MAGI3: variants seen among roughly 807,000 people sequenced by gnomAD.
MAGI3 encodes the protein membrane-associated guanylate kinase, WW and PDZ domain-containing protein 3.
Under a neutral mutation model 121.8 loss-of-function variants are expected in MAGI3, and 43 were observed. That is an observed-to-expected ratio of 0.35 (90% CI 0.28 to 0.46). The LOEUF (loss-of-function observed/expected upper bound fraction) is 0.46, where lower values mean the gene tolerates loss of function less well. Among genes scored for constraint, MAGI3 ranks in the 20% least tolerant of loss-of-function variants. The pLI is 1.00. For synonymous variants in MAGI3, 553 were observed against 639.3 expected, an observed-to-expected ratio of 0.86 and a Z score of 2.04; for missense variants, 1,547 against 1,797.3, an observed-to-expected ratio of 0.86 and a Z score of 2.52.
At chr1:113,575,729 A>T (rs2101711154) in intron 2 of MAGI3, among the ~76,000 whole-genome samples, 1 of 152,310 alleles carries the variant, frequency 6.6e-6, no homozygotes, top group South Asian at 2.1e-4. Context: ...GTGCTGGGAG[A>T]TCTGCTGCTC....
At chr1:113,437,882 T>TTCTTCTTCC (rs1653693033) in intron 1 of MAGI3, among the ~76,000 whole-genome samples, 2 of 2,516 alleles carry the variant, frequency 7.9e-4, no homozygotes, top group African/African-American at 1.4e-3. Flanking sequence ...CTTCTTCTCC[T>TTCTTCTTCC]TCTCCTTCTC....
At chr1:113,625,552 G>A (rs1488270673) in intron 9 of MAGI3, among the ~76,000 whole-genome samples, 1 of 152,152 alleles carries the variant, frequency 6.6e-6, no homozygotes, top group East Asian at 1.9e-4. Flanking sequence ...TTTGTATCCT[G>A]CAACTTTACT....
At chr1:113,414,196 G>A (rs1161507677) in intron 1 of MAGI3, among the ~76,000 whole-genome samples, 2 of 152,214 alleles carry the variant, frequency 1.3e-5, no homozygotes, top group African/African-American at 4.8e-5. Context: ...ATTTGTGTAT[G>A]TTGAACCAGC....
intron 1 of MAGI3, among the ~76,000 whole-genome samples, chr1:113,465,636 A>G (rs1008413154): frequency 6.6e-6 from 1 of 152,136 alleles, no homozygotes; most frequent in East Asian, 1.9e-4. Flanking sequence ...ATCAATAAAC[A>G]TGGAATATCT....
chr1:113,467,949 C>A (rs1301977629), intron 1 of MAGI3, among the ~76,000 whole-genome samples: 2 of 152,200 alleles, frequency 1.3e-5, no homozygotes, highest in Admixed American at 6.5e-5. Flanking sequence ...TATCCTCTTG[C>A]TAAAATGACC....
chr1:113,461,662 G>A (rs915585307), intron 1 of MAGI3, among the ~76,000 whole-genome samples: 5 of 152,034 alleles, frequency 3.3e-5, no homozygotes, highest in Non-Finnish European at 5.9e-5. Context: ...ACATAGAACC[G>A]GCAAAGATTT....
chr1:113,667,275 A>G (rs904446666), intron 16 of MAGI3, among the ~76,000 whole-genome samples: 1 of 152,184 alleles, frequency 6.6e-6, no homozygotes, highest in Non-Finnish European at 1.5e-5. Flanking sequence ...TACCTTGAAA[A>G]TCTGTTGTTT....
At chr1:113,576,071 C>T (rs1389721841) in intron 2 of MAGI3, among the ~76,000 whole-genome samples, 1 of 152,190 alleles carries the variant, frequency 6.6e-6, no homozygotes, top group Admixed American at 6.5e-5. Flanking sequence ...AGGTGGACTT[C>T]AGACTGCTGT....
At chr1:113,492,005 C>T (rs946492004) in intron 1 of MAGI3, among the ~76,000 whole-genome samples, 11 of 152,158 alleles carry the variant, frequency 7.2e-5, no homozygotes, top group African/African-American at 2.7e-4. Context: ...AGGAACTCCT[C>T]TCTAACTCAT....
chr1:113,629,174 A>T (rs2798138), intron 9 of MAGI3, among the ~76,000 whole-genome samples: 1 of 151,820 alleles, frequency 6.6e-6, no homozygotes, highest in African/African-American at 2.4e-5. Context: ...CTCACTAATT[A>T]TTTCTTCTAC....
intron 1 of MAGI3, chr1:113,450,607 A>G: frequency 1.8e-6 from 2 of 1,092,848 alleles, no homozygotes; most frequent in Non-Finnish European, 2.8e-6. Flanking sequence ...ATTATAGTGG[A>G]CAACAGCAAT....
intron 2 of MAGI3, among the ~76,000 whole-genome samples, chr1:113,560,027 C>T (rs1378709316): frequency 2.6e-5 from 4 of 152,088 alleles, no homozygotes; most frequent in South Asian, 2.1e-4. Context: ...CAAGAGGACC[C>T]GATAGTTATC....
chr1:113,676,804 A>G (rs916161337), intron 19 of MAGI3, among the ~76,000 whole-genome samples: 8 of 152,012 alleles, frequency 5.3e-5, no homozygotes, highest in African/African-American at 7.3e-5. Context: ...TGACAGCTGT[A>G]CTTTGTGTCC....
intron 1 of MAGI3, chr1:113,450,552 G>A (rs1654426596): frequency 1.3e-5 from 14 of 1,038,642 alleles, no homozygotes; most frequent in Non-Finnish European, 1.7e-5. Flanking sequence ...GGAAATTTTG[G>A]CGGTGGTAAC....
chr1:113,602,438 A>G (rs1370480484), intron 6 of MAGI3, among the ~76,000 whole-genome samples: 1 of 152,228 alleles, frequency 6.6e-6, no homozygotes, highest in East Asian at 1.9e-4. Flanking sequence ...GACATAAGTT[A>G]TCAAAACCTG....
rs115492828 is a variant in MAGI3, at chr1:113,616,600, T to A, written c.1076+1942T>A. Among the ~76,000 whole-genome samples the A allele has an allele frequency of 8.9e-3, 1,351 of 152,338 alleles. 21 individuals carry two copies. Among genetic ancestry groups the A allele is most frequent in the African/African-American group, 0.031 (1,270 of 41,590 alleles). ...GATGGGATTCTGAAATGGATGAAGT[T>A]ATTTTTTAAAATAAAATTTTTCCAA... On this transcript the variant is annotated intron_variant, in intron 7 of 20. Transcript: ENST00000307546.
chr1:113,391,055 A>G lies in MAGI3; in HGVS notation c.22A>G (p.Lys8Glu), dbSNP rs775621920. The G allele has an allele frequency of 1.9e-6, 3 of 1,590,884 alleles. No homozygotes were observed. The highest frequency in any genetic ancestry group is 2.6e-6 in the Non-Finnish European group (3 of 1,169,870). The change falls in exon 1 of 21, where the codon AAG (lysine) becomes GAG (glutamate). Residue 8 changes from lysine to glutamate, a missense_variant. Coordinates refer to ENST00000307546, the MANE Select transcript of MAGI3 (RefSeq NM_001142782.2). The surrounding 1 kb of genome is among the most constrained non-coding windows in gnomAD (Gnocchi z 4.4). ...CGGGATGTCGAAGACGCTGAAGAAG[A>G]AGAAGCACTGGCTCAGCAAGGTGCA... MSKTLKKKKHWLSKVQEC... is the reference protein window; with the variant it reads MSKTLKKEKHWLSKVQEC...
At chr1:113,650,120 C>T (rs1036184060) in intron 13 of MAGI3, among the ~76,000 whole-genome samples, 3 of 151,930 alleles carry the variant, frequency 2.0e-5, no homozygotes, top group African/African-American at 7.3e-5. Context: ...AAATTACAGG[C>T]TTCTTATTTC....
chr1:113,647,001 T>A (rs927863924), intron 12 of MAGI3, among the ~76,000 whole-genome samples: 1 of 152,156 alleles, frequency 6.6e-6, no homozygotes, highest in Non-Finnish European at 1.5e-5. Context: ...GGTACAGTGA[T>A]AGAAAGATGA....
Sources: gnomAD v4.1 joint callset for allele counts (sites outside exome capture counted in the v4.1 genomes callset) on GRCh38, gnomAD v4.1.1 for gene constraint, Gnocchi (gnomAD v3.1) non-coding constraint, MANE v1.5 for transcripts, NCBI Gene and HGNC (gene_info 2026-07-23, HGNC 2026-07-21) for gene names.